Variants in NKAIN3 observed in about 807,000 individuals in gnomAD.
The protein encoded by NKAIN3 is sodium/potassium transporting ATPase interacting 3, also known as sodium/potassium-transporting ATPase subunit beta-1-interacting protein 3.
In NKAIN3, 25 loss-of-function variants were observed where a neutral mutation model predicts 30.2. That is an observed-to-expected ratio of 0.83 (90% confidence interval 0.60 to 1.16). The LOEUF (loss-of-function observed/expected upper bound fraction) is 1.16, where lower values mean the gene tolerates loss of function less well. NKAIN3 is among the 50% of genes most tolerant of loss of function. The pLI, the probability that NKAIN3 is intolerant of heterozygous loss-of-function variation, is 0.00. For synonymous variants in NKAIN3, 91 were observed against 89.6 expected (o/e 1.02, Z -0.09); for missense variants, 225 against 254.1 (o/e 0.89, Z 0.78).
At chr8:62,698,225 C>T (rs1814225082) in intron 3 of NKAIN3, among the ~76,000 whole-genome samples, 1 of 151,916 alleles carries the variant, frequency 6.6e-6, no homozygotes, top group African/African-American at 2.4e-5. Flanking sequence ...GTAATGATGC[C>T]ATGAGAAGAA....
chr8:62,273,315 C>T (rs1812832111), intron 1 of NKAIN3, among the ~76,000 whole-genome samples: 1 of 152,080 alleles, frequency 6.6e-6, no homozygotes, highest in Non-Finnish European at 1.5e-5. Context: ...AAAAATTATG[C>T]TGCTTTTCAA....
chr8:62,388,238 A>G (rs1296717118), intron 1 of NKAIN3, among the ~76,000 whole-genome samples: 1 of 152,208 alleles, frequency 6.6e-6, no homozygotes, highest in Non-Finnish European at 1.5e-5. Context: ...AGTTTTTAGA[A>G]ATGTATTTGG....
chr8:62,497,556 A>G (rs1342678944), intron 1 of NKAIN3, among the ~76,000 whole-genome samples: 2 of 152,054 alleles, frequency 1.3e-5, no homozygotes, highest in East Asian at 3.9e-4. Context: ...CTTCCTACCT[A>G]CAAGTTTTTA....
At chr8:62,629,915 T>C (rs1769598549) in intron 3 of NKAIN3, among the ~76,000 whole-genome samples, 1 of 152,148 alleles carries the variant, frequency 6.6e-6, no homozygotes. Flanking sequence ...TCTAATGCAA[T>C]TACTGTAGTC....
intron 1 of NKAIN3, among the ~76,000 whole-genome samples, chr8:62,475,740 G>A (rs1806498352): frequency 6.6e-6 from 1 of 152,146 alleles, no homozygotes. Context: ...TGTTTATGAT[G>A]GGCTCCCAGG....
intron 3 of NKAIN3, among the ~76,000 whole-genome samples, chr8:62,680,086 T>C (rs947793453): frequency 1.3e-5 from 2 of 152,166 alleles, no homozygotes; most frequent in African/African-American, 2.4e-5. Context: ...TGACCCATCA[T>C]TGCTGACTCT....
chr8:62,510,463 A>G (rs991652908), intron 1 of NKAIN3, among the ~76,000 whole-genome samples: 3 of 151,938 alleles, frequency 2.0e-5, no homozygotes, highest in African/African-American at 7.3e-5. Flanking sequence ...TACCATGACA[A>G]CTCACGGCAG....
chr8:62,312,578 A>G (rs1814479922), intron 1 of NKAIN3, among the ~76,000 whole-genome samples: 1 of 148,946 alleles, frequency 6.7e-6, no homozygotes. Flanking sequence ...AACACTTTGG[A>G]AAACTGAGTC....
intron 3 of NKAIN3, among the ~76,000 whole-genome samples, chr8:62,716,934 A>T (rs1453267641): frequency 6.6e-6 from 1 of 152,124 alleles, no homozygotes; most frequent in African/African-American, 2.4e-5. Context: ...TGTATCTTTT[A>T]AAAAAATAAA....
chr8:62,370,952 T>G lies in NKAIN3; in HGVS notation c.54+121825T>G, dbSNP rs141299346. Among the ~76,000 whole-genome samples, 464 of 152,134 alleles carry G rather than the reference T, an allele frequency of 3.0e-3. 1 individual carries two copies. The highest frequency in any genetic ancestry group is 4.2e-3 in the Non-Finnish European group (286 of 67,866). On this transcript the variant is annotated intron_variant, in intron 1 of 6. Transcript: ENST00000623646. ...ATGAGCCTTCAGTTGTAAATGTGTTTCATTTCAAGACTGTCTGTAGTAAAT... is the reference window on the plus strand; with the variant it reads ...ATGAGCCTTCAGTTGTAAATGTGTTGCATTTCAAGACTGTCTGTAGTAAAT...
At chr8:62,893,769 A>C (rs1370396596) in intron 4 of NKAIN3, among the ~76,000 whole-genome samples, 1 of 152,238 alleles carries the variant, frequency 6.6e-6, no homozygotes, top group East Asian at 1.9e-4. Flanking sequence ...GGAAATATCC[A>C]TGATCAAATG....
chr8:62,385,084 A>G (rs1817384616), intron 1 of NKAIN3, among the ~76,000 whole-genome samples: 1 of 152,140 alleles, frequency 6.6e-6, no homozygotes, highest in South Asian at 2.1e-4. Context: ...TTTTAGAGAA[A>G]CAGACAACAC....
chr8:62,593,925 G>A (rs537837111), intron 3 of NKAIN3, among the ~76,000 whole-genome samples: 1 of 152,084 alleles, frequency 6.6e-6, no homozygotes, highest in African/African-American at 2.4e-5. Context: ...GATCCTCAGT[G>A]GGGGTCTGTT....
At chr8:62,625,318 C>T (rs891432098) in intron 3 of NKAIN3, among the ~76,000 whole-genome samples, 2 of 151,990 alleles carry the variant, frequency 1.3e-5, no homozygotes, top group Admixed American at 1.3e-4. Flanking sequence ...TTAGAACAGT[C>T]CAAAAGATAG....
intron 1 of NKAIN3, among the ~76,000 whole-genome samples, chr8:62,531,451 A>G (rs1036100824): frequency 1.3e-5 from 2 of 152,154 alleles, no homozygotes; most frequent in Admixed American, 6.5e-5. Context: ...TAAAACTTCA[A>G]TAATAGTGGT....
intron 3 of NKAIN3, among the ~76,000 whole-genome samples, chr8:62,643,456 GC>G (rs1812367070): frequency 6.6e-6 from 1 of 152,030 alleles, no homozygotes; most frequent in South Asian, 2.1e-4. Context: ...GGAGAATTGG[GC>G]CCAAAACCCA....
At chr8:62,651,441 C>T (rs1213465967) in intron 3 of NKAIN3, among the ~76,000 whole-genome samples, 1 of 152,110 alleles carries the variant, frequency 6.6e-6, no homozygotes. Context: ...CATTGTCTTC[C>T]TAGTAGAAAG....
chr8:62,893,664 G>C (rs9298067), intron 4 of NKAIN3, among the ~76,000 whole-genome samples: 1 of 151,526 alleles, frequency 6.6e-6, no homozygotes, highest in Non-Finnish European at 1.5e-5. Context: ...GTGTGTGTGC[G>C]TGCACACATA....
intron 1 of NKAIN3, among the ~76,000 whole-genome samples, chr8:62,519,229 T>C (rs1221912269): frequency 6.6e-6 from 1 of 152,132 alleles, no homozygotes; most frequent in African/African-American, 2.4e-5. Context: ...AAGGAAAAGA[T>C]GGAAGGAGGG....
Sources: gnomAD v4.1 joint callset for allele counts (sites outside exome capture counted in the v4.1 genomes callset) on GRCh38, gnomAD v4.1.1 for gene constraint, MANE v1.5 for transcripts, NCBI Gene and HGNC (gene_info 2026-07-23, HGNC 2026-07-21) for gene names.